The following ACAD10 variants were observed in gnomAD, a reference collection of about 807,000 sequenced individuals.
ACAD10 encodes ACAD-10.
Under a neutral mutation model 116.8 loss-of-function variants are expected in ACAD10, and 112 were observed. The ratio of observed to expected loss-of-function variants is 0.96; its 90% confidence interval spans 0.82 to 1.12. The LOEUF is 1.12. Among genes scored for constraint, ACAD10 ranks in the 50% most tolerant of loss-of-function variants. The pLI is 0.00. For missense variants in ACAD10, 1,259 were observed against 1,350.2 expected, an observed-to-expected ratio of 0.93 and a Z score of 1.06; for synonymous variants, 486 against 510.6, an observed-to-expected ratio of 0.95 and a Z score of 0.65.
chr12:111,747,623 A>C (rs1201034566), intron 16 of ACAD10: 16 of 1,338,612 alleles, frequency 1.2e-5, no homozygotes, highest in Non-Finnish European at 1.5e-5. Context: ...ACATGGACGG[A>C]TGCCTCCCTG....
At chr12:111,724,568 T>C (rs1045407892) in intron 8 of ACAD10, among the ~76,000 whole-genome samples, 3 of 152,176 alleles carry the variant, frequency 2.0e-5, no homozygotes, top group Admixed American at 1.3e-4. Flanking sequence ...CTCGGGAGGC[T>C]GAGGCTGGCG....
intron 20 of ACAD10, 98 bp from the exon 21 acceptor site, chr12:111,756,235 A>G: frequency 4.1e-6 from 6 of 1,468,914 alleles, no homozygotes; most frequent in Non-Finnish European, 5.4e-6. Context: ...GTCCGGGAAG[A>G]TGGTTGTTAT....
intron 6 of ACAD10, among the ~76,000 whole-genome samples, chr12:111,714,303 G>T (rs1365337478): frequency 6.6e-6 from 1 of 151,596 alleles, no homozygotes; most frequent in Non-Finnish European, 1.5e-5. Context: ...TCCATTTCTT[G>T]GAGACAAGTT....
intron 14 of ACAD10, among the ~76,000 whole-genome samples, chr12:111,746,840 A>G (rs370876888): frequency 6.6e-5 from 10 of 152,322 alleles, no homozygotes; most frequent in East Asian, 1.9e-4. Flanking sequence ...TGTACAAAAA[A>G]ATAAAAAATT....
intron 6 of ACAD10, among the ~76,000 whole-genome samples, chr12:111,713,305 C>T (rs111752922): frequency 7.4e-5 from 11 of 148,310 alleles, no homozygotes; most frequent in African/African-American, 2.7e-4. Flanking sequence ...AGCAAGACTC[C>T]ATCTCGGGGG....
chr12:111,713,810 G>A (rs879693997), intron 6 of ACAD10, among the ~76,000 whole-genome samples: 57 of 151,532 alleles, frequency 3.8e-4, no homozygotes, highest in African/African-American at 1.2e-3. Context: ...TTTGGCGGGC[G>A]CCTGTAATCC....
At chr12:111,723,490 G>A (rs1399993606) in intron 8 of ACAD10, among the ~76,000 whole-genome samples, 12 of 140,604 alleles carry the variant, frequency 8.5e-5, no homozygotes, top group East Asian at 2.2e-4. Flanking sequence ...CCTCCCTCCC[G>A]GACGGGGCGG....
chr12:111,698,580 C>T (rs998047654), intron 2 of ACAD10, among the ~76,000 whole-genome samples: 5 of 151,656 alleles, frequency 3.3e-5, no homozygotes, highest in Middle Eastern at 3.2e-3. Flanking sequence ...CAGGTTCAAG[C>T]GATTCTCCTG....
rs1889025080 is a variant in ACAD10 at position 111,721,973 on chromosome 12, C to T, written c.1061+234C>T. On this transcript the variant is annotated intron_variant, in intron 8 of 20. Transcript: ENST00000313698. Reference sequence around the variant, plus strand: ...CATCTTTTTTAACATTCAAAAAATACATATTAATCTAGTTTCATGTTGCTT... The same window carrying T: ...CATCTTTTTTAACATTCAAAAAATATATATTAATCTAGTTTCATGTTGCTT... 8.3e-6 allele frequency: 3 copies of T among 359,428 alleles called. No homozygotes were observed. In the East Asian group the frequency reaches 1.3e-4, roughly 15 times the overall value. 22.3% of individuals were successfully genotyped at this position (359,428 alleles called of 1,614,324 possible). A position where few individuals can be genotyped will look rare whatever the true frequency, so the allele number is the denominator to read the frequency against.
intron 3 of ACAD10, among the ~76,000 whole-genome samples, chr12:111,705,234 T>G (rs1888463857): frequency 6.6e-6 from 1 of 152,042 alleles, no homozygotes; most frequent in East Asian, 1.9e-4. Context: ...ATTGTAATAT[T>G]GATATAAATA....
chr12:111,692,571 G>T (rs897053059), intron 1 of ACAD10, 126 bp from the exon 2 acceptor site: 17 of 899,314 alleles, frequency 1.9e-5, no homozygotes, highest in Admixed American at 1.6e-4. Context: ...TCAGTTGTGG[G>T]TGTGATTCGA....
chr12:111,690,628 T>TA (rs1486645901), intron 1 of ACAD10: 1 of 151,850 alleles, frequency 6.6e-6, no homozygotes, highest in Admixed American at 6.6e-5. Context: ...CTACTAAAAA[T>TA]ACAAAAATTA....
At chr12:111,687,198 T>C (rs1305168746) in intron 1 of ACAD10, among the ~76,000 whole-genome samples, 1 of 152,110 alleles carries the variant, frequency 6.6e-6, no homozygotes, top group East Asian at 1.9e-4. Context: ...ACATAGTGCG[T>C]TCTAGATGTG....
At chr12:111,706,094 T>G (rs1593021741) in intron 4 of ACAD10, among the ~76,000 whole-genome samples, 162 bp downstream of exon 4, 1 of 152,222 alleles carries the variant, frequency 6.6e-6, no homozygotes, top group African/African-American at 2.4e-5. Flanking sequence ...ACAGACCCTT[T>G]AAGATATCAC....
intron 12 of ACAD10, among the ~76,000 whole-genome samples, chr12:111,738,555 A>G (rs80079426): frequency 0.016 from 2,366 of 151,868 alleles, 72 homozygotes; most frequent in African/African-American, 0.054. Flanking sequence ...TGGATGAAAC[A>G]CATCAGGTAT....
intron 5 of ACAD10, among the ~76,000 whole-genome samples, chr12:111,710,565 G>T (rs928333083): frequency 8.6e-5 from 13 of 151,620 alleles, no homozygotes; most frequent in African/African-American, 2.7e-4. Flanking sequence ...CATGATCTTG[G>T]CTCACTGTAA....
rs143276470 is a variant in ACAD10, at chr12:111,753,914, A to C, written c.2960A>C (p.Lys987Thr). The change falls in exon 19 of 21, where the codon AAG becomes ACG. Residue 987 changes from lysine to threonine, a missense_variant and splice_region_variant. By Grantham distance (78) the Lys-to-Thr change is moderately conservative. Coordinates refer to ENST00000313698, the MANE Select transcript of ACAD10 (RefSeq NM_025247.6). ...AAHLMDLAGN[K>T]AAALDIAMIK... The stretch of plus-strand genomic sequence containing the variant: ...CACCTCATGGACCTGGCAGGAAACA[A>C]GGTAGGGGCAGGGGCACGAGGGGGC... 107 of 1,601,944 alleles carry C rather than the reference A, an allele frequency of 6.7e-5. No homozygotes were observed. The African/African-American group carries it at 1.3e-3, about 20-fold the overall frequency.
At chr12:111,736,608 T>C (rs75182985) in intron 11 of ACAD10, among the ~76,000 whole-genome samples, 2,378 of 152,304 alleles carry the variant, frequency 0.016, 71 homozygotes, top group African/African-American at 0.054. Context: ...TACTGCCAGT[T>C]GAGTCTGAAA....
At chr12:111,696,280 C>T (rs528193737) in intron 2 of ACAD10, among the ~76,000 whole-genome samples, 21 of 151,990 alleles carry the variant, frequency 1.4e-4, no homozygotes, top group Non-Finnish European at 2.6e-4. Flanking sequence ...GTCGAACTCC[C>T]GGGCTCAAGT....
Sources: gnomAD v4.1 joint callset for allele counts (sites outside exome capture counted in the v4.1 genomes callset) on GRCh38, gnomAD v4.1.1 for gene constraint, MANE v1.5 for transcripts, NCBI Gene and HGNC (gene_info 2026-07-23, HGNC 2026-07-21) for gene names.